The following CORO1C variants were observed in gnomAD, a reference collection of about 807,000 sequenced individuals.
The protein encoded by CORO1C is coronin-1C.
CORO1C carries 14 observed loss-of-function variants against 51.2 expected under a neutral mutation model. That is an observed-to-expected ratio of 0.27 (90% CI 0.18 to 0.43). The LOEUF (loss-of-function observed/expected upper bound fraction) is 0.43, where lower values mean the gene tolerates loss of function less well. Ranked by LOEUF, CORO1C falls within the 20% of genes least tolerant of loss-of-function variation. The pLI is 1.00. For synonymous variants in CORO1C, 181 were observed against 210.5 expected (o/e 0.86, Z 1.21); for missense variants, 417 against 607.8 (o/e 0.69, Z 3.30).
rs2032321053 is a variant in CORO1C, at chr12:108,645,635, G to A, written c.*1768C>T. The A allele has an allele frequency of 6.6e-6, 1 of 152,048 alleles. No homozygotes were observed. Among genetic ancestry groups the A allele is most frequent in the Non-Finnish European group, 1.5e-5 (1 of 68,008 alleles). The allele number at this position is 152,048 out of a possible 1,614,324, so 9.4% of individuals were successfully genotyped here. ...AAACATTCAGATGCCCTGAAATTGTGGAGACAGCACTCCCAGTATTGGCTG... is the reference window on the plus strand; with the variant it reads ...AAACATTCAGATGCCCTGAAATTGTAGAGACAGCACTCCCAGTATTGGCTG... On this transcript the variant is annotated 3_prime_UTR_variant, in exon 11 of 11. Coordinates refer to ENST00000261401, the MANE Select transcript of CORO1C (RefSeq NM_014325.4).
intron 2 of CORO1C, among the ~76,000 whole-genome samples, chr12:108,700,513 T>C (rs146396594): frequency 5.3e-5 from 8 of 152,242 alleles, no homozygotes; most frequent in Admixed American, 3.9e-4. Flanking sequence ...GAAGAAAACA[T>C]AGAACCATTC....
At chr12:108,727,079 T>C (rs1270548793) in intron 1 of CORO1C, among the ~76,000 whole-genome samples, 1 of 152,202 alleles carries the variant, frequency 6.6e-6, no homozygotes, top group African/African-American at 2.4e-5. Context: ...CAATAAACAA[T>C]CATTCATTCA....
chr12:108,676,095 A>C (rs947497600), intron 3 of CORO1C, among the ~76,000 whole-genome samples: 4 of 152,244 alleles, frequency 2.6e-5, no homozygotes, highest in African/African-American at 9.6e-5. Flanking sequence ...TGGCAAGACC[A>C]ATCTAGAGTC....
intron 2 of CORO1C, among the ~76,000 whole-genome samples, chr12:108,679,361 C>T (rs2034043919): frequency 1.3e-5 from 2 of 152,074 alleles, no homozygotes; most frequent in Admixed American, 6.6e-5. Flanking sequence ...TAATGTTGGT[C>T]ATAAATAGCT....
intron 6 of CORO1C, among the ~76,000 whole-genome samples, chr12:108,656,803 T>C (rs1449573837): frequency 4.6e-5 from 7 of 152,198 alleles, no homozygotes; most frequent in African/African-American, 1.7e-4. Flanking sequence ...GTTAAATGGA[T>C]TAAGGGCGGT....
At chr12:108,699,686 T>C (rs2034803914) in intron 2 of CORO1C, among the ~76,000 whole-genome samples, 1 of 152,056 alleles carries the variant, frequency 6.6e-6, no homozygotes, top group East Asian at 1.9e-4. Context: ...AAATCCCCAC[T>C]CCAAAACCAG....
At chr12:108,657,236 T>C in intron 6 of CORO1C, 68 bp downstream of exon 6, 2 of 1,545,690 alleles carry the variant, frequency 1.3e-6, no homozygotes, top group African/African-American at 1.4e-5. Context: ...ACTTACTCAC[T>C]GGAAGACCTG....
intron 2 of CORO1C, among the ~76,000 whole-genome samples, chr12:108,686,601 G>C (rs2034304626): frequency 6.6e-6 from 1 of 152,132 alleles, no homozygotes; most frequent in Non-Finnish European, 1.5e-5. Flanking sequence ...AATAAATTTT[G>C]ATTCATTGAT....
In CORO1C at chr12:108,647,527, GA is replaced by G. The variant is rs2032416787; in HGVS notation, c.1306-6del. The stretch of plus-strand genomic sequence containing the variant: ...ATCCAACTTGGCTTCATTTTGCTAA[GA>G]AAACAAAAAAAGGAGGCAGTGATTA... On this transcript the variant is annotated splice_region_variant and splice_polypyrimidine_tract_variant and intron_variant, in intron 10 of 10. Transcript: ENST00000261401. The G allele has an allele frequency of 6.3e-7, 1 of 1,574,934 alleles. No homozygotes were observed. Among genetic ancestry groups the G allele is most frequent in the African/African-American group, 1.4e-5 (1 of 72,494 alleles).
At chr12:108,720,881 A>G (rs890773109) in intron 1 of CORO1C, among the ~76,000 whole-genome samples, 17 of 152,210 alleles carry the variant, frequency 1.1e-4, no homozygotes, top group African/African-American at 4.1e-4. Flanking sequence ...TTCATCTTCT[A>G]GGAAAATGGA....
At chr12:108,707,950 G>A (rs2035073288) in intron 1 of CORO1C, among the ~76,000 whole-genome samples, 1 of 152,126 alleles carries the variant, frequency 6.6e-6, no homozygotes, top group African/African-American at 2.4e-5. Flanking sequence ...TACCCACTAG[G>A]ATGGCTAAAA....
chr12:108,694,316 C>T (rs2034599948), intron 2 of CORO1C, among the ~76,000 whole-genome samples: 1 of 148,510 alleles, frequency 6.7e-6, no homozygotes, highest in Admixed American at 6.7e-5. Context: ...CAAGAACCCA[C>T]CACAGGTCGC....
chr12:108,728,115 G>A (rs184575470), intron 1 of CORO1C, among the ~76,000 whole-genome samples: 14 of 152,232 alleles, frequency 9.2e-5, no homozygotes, highest in African/African-American at 3.4e-4. Context: ...ACCGTAAAAT[G>A]GTGCAGCTGC....
chr12:108,719,385 C>T lies in CORO1C; in HGVS notation c.-6+12044G>A, dbSNP rs190788389. On this transcript the variant is annotated intron_variant, in intron 1 of 10. Coordinates refer to ENST00000261401, the MANE Select transcript of CORO1C (RefSeq NM_014325.4). ...CAAAATAATTCATTTTTTGTGACCA[C>T]TTATCGTGAATACAATATAAACCAA... is the stretch of plus-strand genomic sequence containing the variant. Among the ~76,000 whole-genome samples, 144 of 152,284 alleles carry T rather than the reference C, an allele frequency of 9.5e-4. 1 individual carries two copies. The highest frequency in any genetic ancestry group is 1.5e-3 in the Non-Finnish European group (101 of 68,026).
intron 1 of CORO1C, among the ~76,000 whole-genome samples, chr12:108,709,118 A>ATT (rs1368745078): frequency 1.3e-5 from 2 of 152,086 alleles, no homozygotes; most frequent in Admixed American, 6.6e-5. Flanking sequence ...AGATTATTTG[A>ATT]TTATATATAT....
In CORO1C at chr12:108,647,041, TAA is replaced by T. The variant is rs34122937; in HGVS notation, c.*360_*361del. ...CAATGTGGCATTGGTCCCTATTCAT[TAA>T]AAAAAAAAGGGTACTTGGGCACGAC... is the stretch of plus-strand genomic sequence containing the variant. On this transcript the variant is annotated 3_prime_UTR_variant, in exon 11 of 11. Coordinates refer to ENST00000261401, the MANE Select transcript of CORO1C (RefSeq NM_014325.4). 2.6e-4 allele frequency: 42 copies of T among 162,164 alleles called. No homozygotes were observed. The highest frequency in any genetic ancestry group is 1.1e-3 in the East Asian group (6 of 5,596). The allele number at this position is 162,164 out of a possible 1,614,324, so 10.0% of individuals were successfully genotyped here.
In CORO1C at chr12:108,647,579, T is replaced by C. The variant is rs1276194701; in HGVS notation, c.1306-57A>G. 4 of 1,266,606 alleles carry C rather than the reference T, an allele frequency of 3.2e-6. No homozygotes were observed. In the East Asian group the frequency reaches 7.2e-5, roughly 23 times the overall value. The allele number at this position is 1,266,606 out of a possible 1,614,324, so 78.5% of individuals were successfully genotyped here. On this transcript the variant is annotated intron_variant, in intron 10 of 10. Transcript: ENST00000261401. Reference sequence around the variant, plus strand: ...AAATGCAGTAAACAAAGTTCAACACTGTTCAAAACTTGTAAGATATAAAAT... The same window carrying C: ...AAATGCAGTAAACAAAGTTCAACACCGTTCAAAACTTGTAAGATATAAAAT...
chr12:108,686,596 A>T (rs2034304527), intron 2 of CORO1C, among the ~76,000 whole-genome samples: 2 of 152,314 alleles, frequency 1.3e-5, no homozygotes, highest in Non-Finnish European at 1.5e-5. Flanking sequence ...CTTTAAATAA[A>T]TTTTGATTCA....
intron 2 of CORO1C, among the ~76,000 whole-genome samples, chr12:108,690,710 T>C (rs546645148): frequency 3.7e-4 from 56 of 152,354 alleles, no homozygotes; most frequent in African/African-American, 1.2e-3. Flanking sequence ...CTGCTCATTA[T>C]TGCAGACAAG....
Sources: allele counts gnomAD v4.1 joint callset (sites outside exome capture counted in the v4.1 genomes callset), GRCh38; gene constraint gnomAD v4.1.1; transcripts MANE v1.5; gene names NCBI Gene and HGNC (gene_info 2026-07-23, HGNC 2026-07-21).